TM9SF3: variants seen among roughly 807,000 people sequenced by gnomAD.
TM9SF3 encodes the protein SM-11044-binding protein.
TM9SF3 carries 14 observed loss-of-function variants against 78.6 expected under a neutral mutation model. The ratio of observed to expected loss-of-function variants is 0.18; its 90% CI spans 0.12 to 0.28. The LOEUF is 0.28. Among genes scored for constraint, TM9SF3 ranks in the 10% least tolerant of loss-of-function variants. TM9SF3 has a pLI of 1.00. For missense variants in TM9SF3, 496 were observed against 721.9 expected (o/e 0.69, Z 3.59); for synonymous variants, 231 against 241.7 (o/e 0.96, Z 0.41).
At chr10:96,580,030 G>A (rs1848543775) in intron 1 of TM9SF3, among the ~76,000 whole-genome samples, 1 of 152,218 alleles carries the variant, frequency 6.6e-6, no homozygotes, top group Non-Finnish European at 1.5e-5. Context: ...AGAAGGTGGG[G>A]TGGAGTCACA....
chr10:96,577,704 G>A (rs1564941116), intron 1 of TM9SF3, among the ~76,000 whole-genome samples: 1 of 152,112 alleles, frequency 6.6e-6, no homozygotes, highest in Non-Finnish European at 1.5e-5. Context: ...TTAATTCACT[G>A]AACAATTATT....
At chr10:96,541,433 T>C (rs560193451) in intron 9 of TM9SF3, among the ~76,000 whole-genome samples, 1 of 152,184 alleles carries the variant, frequency 6.6e-6, no homozygotes, top group South Asian at 2.1e-4. Flanking sequence ...TGGAGTGCAA[T>C]GGCGTGATCT....
chr10:96,528,328 A>G, intron 11 of TM9SF3, 151 bp from the exon 12 acceptor site: 1 of 698,756 alleles, frequency 1.4e-6, no homozygotes, highest in South Asian at 2.6e-5. Flanking sequence ...CCATGTCTTC[A>G]TCAATTAAAT....
At chr10:96,539,230 G>C (rs1847994509) in intron 9 of TM9SF3, among the ~76,000 whole-genome samples, 1 of 150,214 alleles carries the variant, frequency 6.7e-6, no homozygotes, top group Admixed American at 6.7e-5. Context: ...CAGCACTTTG[G>C]GAGGCCAAGA....
In TM9SF3 at chr10:96,565,402, C is replaced by T; in HGVS notation, c.323G>A (p.Cys108Tyr). ...FKDDVMPATY[C>Y]EIDLDKEKRD... ...CTTTTCTTTATCTAAATCAATTTCA[C>T]AGTAAGTGGCTGGCATCACATCATC... The change falls in exon 3 of 15, where the codon TGT becomes TAT. Residue 108 changes from cysteine (C) to tyrosine (Y), a missense_variant. Physicochemically the swap from Cys to Tyr is radical, Grantham distance 194 (BLOSUM62 -2). Around this residue, in one of 4 missense-constraint regions of TM9SF3, gnomAD observed 155 missense variants for 241.6 expected, o/e 0.64. Coordinates refer to ENST00000371142, the MANE Select transcript of TM9SF3 (RefSeq NM_020123.4). The T allele has an allele frequency of 6.4e-7, 1 of 1,552,888 alleles. No homozygotes were observed. Among genetic ancestry groups the T allele is most frequent in the Non-Finnish European group, 8.6e-7 (1 of 1,159,556 alleles).
chr10:96,565,236 CAG>C, intron 3 of TM9SF3, 66 bp downstream of exon 3: 2 of 1,379,042 alleles, frequency 1.5e-6, no homozygotes, highest in Non-Finnish European at 1.9e-6. Flanking sequence ...ATCACCTTAA[CAG>C]AGTCATTTTA....
At chr10:96,551,786 G>A (rs78731026) in intron 6 of TM9SF3, among the ~76,000 whole-genome samples, 3 of 152,138 alleles carry the variant, frequency 2.0e-5, no homozygotes, top group Non-Finnish European at 4.4e-5. Flanking sequence ...GGGCTAGGTG[G>A]AGAAATGAAA....
Position 96,522,016 on chromosome 10 carries a change from C to T in TM9SF3, c.*247G>A. On this transcript the variant is annotated 3_prime_UTR_variant, in exon 15 of 15. Coordinates refer to ENST00000371142, the MANE Select transcript of TM9SF3 (RefSeq NM_020123.4). ...TGAGCTAGTTTTTGGGAAGATTAGC[C>T]ATGTACTGTAGTAATGCCTACTGCA... The T allele has an allele frequency of 2.2e-6, 1 of 455,288 alleles. No individual in the cohort carries two copies. Among genetic ancestry groups the T allele is most frequent in the East Asian group, 4.5e-5 (1 of 22,464 alleles). The allele number at this position is 455,288 out of a possible 1,614,324, so 28.2% of individuals were successfully genotyped here.
intron 2 of TM9SF3, 100 bp from the exon 3 acceptor site, chr10:96,565,526 A>G: frequency 2.2e-6 from 3 of 1,360,772 alleles, no homozygotes; most frequent in Non-Finnish European, 2.9e-6. Flanking sequence ...CTACAGTTAA[A>G]ATTTCTATTC....
chr10:96,566,478 A>G (rs990698793), intron 2 of TM9SF3, among the ~76,000 whole-genome samples: 3 of 152,200 alleles, frequency 2.0e-5, no homozygotes, highest in African/African-American at 7.2e-5. Flanking sequence ...CATATTATAG[A>G]CCAACCTAAA....
At chr10:96,583,987 T>C (rs535870471) in intron 1 of TM9SF3, among the ~76,000 whole-genome samples, 10 of 94,996 alleles carry the variant, frequency 1.1e-4, no homozygotes, top group Non-Finnish European at 1.3e-4. Context: ...TGAGTGGACA[T>C]TGTGCCACTG....
intron 2 of TM9SF3, among the ~76,000 whole-genome samples, chr10:96,569,587 T>G (rs565726237): frequency 3.9e-5 from 6 of 152,226 alleles, no homozygotes; most frequent in Non-Finnish European, 8.8e-5. Context: ...ACAACTGCCT[T>G]AAATATGTTT....
intron 9 of TM9SF3, 118 bp from the exon 10 acceptor site, chr10:96,533,308 T>C: frequency 3.2e-6 from 4 of 1,263,296 alleles, no homozygotes; most frequent in Non-Finnish European, 4.3e-6. Context: ...AAGTTCAATA[T>C]GAGCTAAAAT....
intron 1 of TM9SF3, among the ~76,000 whole-genome samples, chr10:96,581,091 G>A (rs1206518337): frequency 3.9e-5 from 6 of 151,990 alleles, no homozygotes; most frequent in Non-Finnish European, 5.9e-5. Context: ...TAATCTGCCT[G>A]AAAGAAAAAA....
At chr10:96,585,781 A>T (rs952223450) in intron 1 of TM9SF3, among the ~76,000 whole-genome samples, 2 of 152,192 alleles carry the variant, frequency 1.3e-5, no homozygotes, top group African/African-American at 2.4e-5. Context: ...TCCTATCATT[A>T]ATGGTAAAGG....
At chr10:96,537,026 T>C (rs1847967921) in intron 9 of TM9SF3, among the ~76,000 whole-genome samples, 2 of 152,206 alleles carry the variant, frequency 1.3e-5, no homozygotes, top group African/African-American at 4.8e-5. Flanking sequence ...ATGCAGTATA[T>C]AATACATATA....
intron 14 of TM9SF3, among the ~76,000 whole-genome samples, chr10:96,526,395 C>G (rs1847838629): frequency 1.3e-5 from 2 of 152,048 alleles, no homozygotes. Context: ...AATGTGACCT[C>G]CATGGCCATA....
chr10:96,535,146 T>C (rs1461422968), intron 9 of TM9SF3, among the ~76,000 whole-genome samples: 3 of 152,222 alleles, frequency 2.0e-5, no homozygotes, highest in Non-Finnish European at 2.9e-5. Context: ...AAAGACATTA[T>C]CAATTGCTTA....
chr10:96,555,026 CT>C (rs375133107), intron 5 of TM9SF3, among the ~76,000 whole-genome samples: 352 of 142,478 alleles, frequency 2.5e-3, no homozygotes, highest in Non-Finnish European at 2.9e-3. Flanking sequence ...CCTGGTTGGC[CT>C]TTTTTTTTTT....
Sources: gnomAD v4.1 joint callset for allele counts (sites outside exome capture counted in the v4.1 genomes callset) on GRCh38, gnomAD v4.1.1 for gene constraint, gnomAD v4.1.1 regional missense constraint, MANE v1.5 for transcripts, NCBI Gene and HGNC (gene_info 2026-07-23, HGNC 2026-07-21) for gene names.